EPS15L1: variants seen among roughly 807,000 people sequenced by gnomAD.
EPS15L1 encodes the protein epidermal growth factor receptor substrate 15-like 1.
EPS15L1 carries 43 observed loss-of-function variants against 117.1 expected under a neutral mutation model. The observed-to-expected ratio is 0.37, with a 90% confidence interval of 0.29 to 0.47. The LOEUF (loss-of-function observed/expected upper bound fraction) is 0.47, where lower values mean the gene tolerates loss of function less well. EPS15L1 is among the 20% of genes least tolerant of loss of function. The probability of loss-of-function intolerance (pLI) is 0.99; values close to 1 mark genes in which losing one functional copy is unlikely to be tolerated. For missense variants in EPS15L1, 981 were observed against 1,164.0 expected (o/e 0.84, Z 2.29); for synonymous variants, 459 against 470.5 (o/e 0.98, Z 0.32).
chr19:16,391,490 G>A lies in EPS15L1; in HGVS notation c.2103+814C>T, dbSNP rs559387685. On this transcript the variant is annotated intron_variant, in intron 19 of 23. Transcript: ENST00000455140. Reference sequence around the variant, plus strand: ...AGCGAGGTGGGCGCCAGGGTAGCAGGAGCCCTGAGAAGGAGGGTGAGTGCC... The same window carrying A: ...AGCGAGGTGGGCGCCAGGGTAGCAGAAGCCCTGAGAAGGAGGGTGAGTGCC... 7.2e-5 allele frequency among the ~76,000 whole-genome samples: 11 copies of A among 152,166 alleles called. No individual in the cohort carries two copies. The East Asian group carries it at 1.9e-3, about 27-fold the overall frequency.
At chr19:16,389,851 CATG>C (rs1343317601) in intron 19 of EPS15L1, among the ~76,000 whole-genome samples, 2 of 152,136 alleles carry the variant, frequency 1.3e-5, no homozygotes, top group East Asian at 1.9e-4. Context: ...TAAAGCTGTA[CATG>C]ATATTTCCTA....
At chr19:16,360,977 A>G (rs1199568533) in intron 23 of EPS15L1, among the ~76,000 whole-genome samples, 2 of 152,182 alleles carry the variant, frequency 1.3e-5, no homozygotes, top group Non-Finnish European at 2.9e-5. Context: ...AGTGAAACCA[A>G]TTCTGGGAAG....
At chr19:16,388,094 G>A (rs963669679) in intron 19 of EPS15L1, among the ~76,000 whole-genome samples, 3 of 152,186 alleles carry the variant, frequency 2.0e-5, no homozygotes, top group Non-Finnish European at 4.4e-5. Context: ...CCAGGCTGGA[G>A]CGCAGTGGTG....
chr19:16,437,835 A>G lies in EPS15L1; in HGVS notation c.244T>C (p.Cys82Arg). Residue 82 changes from cysteine (C) to arginine (R), a missense_variant, in exon 5 of 24, where the codon TGT becomes CGT. Cys to Arg is a radical substitution (Grantham distance 180). Around this residue, in one of 5 missense-constraint regions of EPS15L1, gnomAD observed 62 missense variants for 104.2 expected, o/e 0.59. Coordinates refer to ENST00000455140, the MANE Select transcript of EPS15L1 (RefSeq NM_001258374.3). The stretch of plus-strand genomic sequence containing the variant: ...GTAACTTCATGGCCACTCTGTGCAC[A>G]GGCCACCAGTCTCAGTGCAACATAG... The part of the protein sequence containing the change: ...GFYVALRLVA[C>R]AQSGHEVTLS... The G allele has an allele frequency of 6.2e-7, 1 of 1,614,118 alleles. No homozygotes were observed. Among genetic ancestry groups the G allele is most frequent in the Non-Finnish European group, 8.5e-7 (1 of 1,179,976 alleles).
At chr19:16,380,521 C>T (rs559682947) in intron 21 of EPS15L1, among the ~76,000 whole-genome samples, 2 of 152,214 alleles carry the variant, frequency 1.3e-5, no homozygotes, top group East Asian at 1.9e-4. Flanking sequence ...ACACACGCAG[C>T]CATCTAAGGC....
rs1352942998 is a variant in EPS15L1 at position 16,471,121 on chromosome 19, A to G, written c.33+792T>C. ...GCACAACACAGGTATTCAGCAAATA[A>G]AGGCAGCTGTGATTAGCATAACACA... On this transcript the variant is annotated intron_variant, in intron 1 of 23. Transcript: ENST00000455140. This position sits in a 1 kb window ranked among gnomAD's most constrained non-coding sequence, Gnocchi z 4.8. 6.6e-6 allele frequency among the ~76,000 whole-genome samples: 1 copy of G among 152,184 alleles called. No homozygotes were observed. Among genetic ancestry groups the G allele is most frequent in the Non-Finnish European group, 1.5e-5 (1 of 68,040 alleles).
chr19:16,391,500 A>T (rs1425514236), intron 19 of EPS15L1, among the ~76,000 whole-genome samples: 1 of 152,080 alleles, frequency 6.6e-6, no homozygotes, highest in Non-Finnish European at 1.5e-5. Context: ...GAGCCCTGAG[A>T]AGGAGGGTGA....
chr19:16,395,584 G>T, intron 16 of EPS15L1, 117 bp from the exon 17 acceptor site: 2 of 1,119,692 alleles, frequency 1.8e-6, no homozygotes, highest in Non-Finnish European at 2.6e-6. Flanking sequence ...TAAAAAGAAT[G>T]ATTTAGCCAG....
At chr19:16,360,439 G>A (rs1237733001) in intron 23 of EPS15L1, among the ~76,000 whole-genome samples, 1 of 152,132 alleles carries the variant, frequency 6.6e-6, no homozygotes, top group Non-Finnish European at 1.5e-5. Flanking sequence ...CCAAGAGCCA[G>A]AAACAGGTCA....
intron 16 of EPS15L1, chr19:16,401,482 G>C (rs903736284): frequency 2.0e-6 from 2 of 985,788 alleles, no homozygotes; most frequent in Non-Finnish European, 2.4e-6. Flanking sequence ...GCAGCACGGA[G>C]AGAGCTGCTG....
At chr19:16,438,472 G>A (rs1464291428) in intron 4 of EPS15L1, among the ~76,000 whole-genome samples, 1 of 152,174 alleles carries the variant, frequency 6.6e-6, no homozygotes, top group Non-Finnish European at 1.5e-5. Context: ...GGAAATGTTA[G>A]GTTGTATAAA....
At chr19:16,413,276 A>G in intron 13 of EPS15L1, 1 of 652,722 alleles carries the variant, frequency 1.5e-6, no homozygotes, top group Admixed American at 2.2e-5. Context: ...TGCTGGTGTA[A>G]CTCATCCCCA....
At chr19:16,387,845 CAG>C (rs1173531971) in intron 19 of EPS15L1, among the ~76,000 whole-genome samples, 1 of 151,764 alleles carries the variant, frequency 6.6e-6, no homozygotes, top group African/African-American at 2.4e-5. Context: ...AAGTTGAAAA[CAG>C]AGCAGTAGAA....
At chr19:16,415,107 T>C (rs764775520) in intron 12 of EPS15L1, among the ~76,000 whole-genome samples, 1 of 152,154 alleles carries the variant, frequency 6.6e-6, no homozygotes, top group African/African-American at 2.4e-5. Flanking sequence ...AAATTGATTA[T>C]AGGTGTGAGC....
chr19:16,442,284 C>A (rs2093039831), intron 1 of EPS15L1, 65 bp from the exon 2 acceptor site: 2 of 1,442,864 alleles, frequency 1.4e-6, no homozygotes, highest in Admixed American at 3.6e-5. Context: ...AAAAGGGTTG[C>A]CCCCTCAATT....
chr19:16,380,190 G>A (rs193259548), intron 21 of EPS15L1, among the ~76,000 whole-genome samples: 50 of 147,262 alleles, frequency 3.4e-4, no homozygotes, highest in Non-Finnish European at 5.7e-4. Context: ...AGACGTGGCC[G>A]TGTAAGGCTC....
intron 16 of EPS15L1, chr19:16,401,894 T>C: frequency 1.0e-6 from 1 of 992,316 alleles, no homozygotes; most frequent in South Asian, 4.7e-5. Context: ...AAGGTGTTCC[T>C]TGTGGAAACA....
At chr19:16,463,511 C>A (rs2093272983) in intron 1 of EPS15L1, among the ~76,000 whole-genome samples, 1 of 152,182 alleles carries the variant, frequency 6.6e-6, no homozygotes, top group Non-Finnish European at 1.5e-5. Context: ...GTGTAAGCAG[C>A]CAGATCATCT....
In EPS15L1 at chr19:16,421,493, C is replaced by T. The variant is rs1568437299; in HGVS notation, c.793-17G>A. On this transcript the variant is annotated splice_polypyrimidine_tract_variant and intron_variant, in intron 9 of 23. Transcript: ENST00000455140. ...CACTGTTGGCTGAAACAGTTTTTGGCAAAACAGTTAATCTGGAAGCTTTTT... is the reference window on the plus strand; with the variant it reads ...CACTGTTGGCTGAAACAGTTTTTGGTAAAACAGTTAATCTGGAAGCTTTTT... 2 of 1,599,740 alleles carry T rather than the reference C, an allele frequency of 1.3e-6. No homozygotes were observed.
Sources: allele counts gnomAD v4.1 joint callset (sites outside exome capture counted in the v4.1 genomes callset), GRCh38; gene constraint gnomAD v4.1.1; regional missense constraint gnomAD v4.1.1; non-coding constraint Gnocchi (gnomAD v3.1); transcripts MANE v1.5; gene names NCBI Gene and HGNC (gene_info 2026-07-23, HGNC 2026-07-21).